The following PEX5L variants were observed in gnomAD, a reference collection of about 807,000 sequenced individuals.
PEX5L encodes PEX5-related protein.
In PEX5L, 30 loss-of-function variants were observed where a neutral mutation model predicts 84.0. That is an observed-to-expected ratio of 0.36 (90% CI 0.27 to 0.48). The LOEUF is 0.48. Ranked by LOEUF, PEX5L falls within the 20% of genes least tolerant of loss-of-function variation. The pLI is 0.99. For missense variants in PEX5L, 533 were observed against 754.6 expected (o/e 0.71, Z 3.44); for synonymous variants, 270 against 283.1 (o/e 0.95, Z 0.46).
chr3:179,859,035 G>A (rs779528631), intron 8 of PEX5L, 27 bp downstream of exon 8: 2 of 1,510,774 alleles, frequency 1.3e-6, no homozygotes, highest in Non-Finnish European at 1.8e-6. Flanking sequence ...GCATGAAACA[G>A]AAAAAACTAA....
intron 1 of PEX5L, among the ~76,000 whole-genome samples, chr3:179,984,289 T>C (rs949951455): frequency 2.6e-5 from 4 of 152,142 alleles, no homozygotes. Context: ...AATTTTCTTC[T>C]ATTAAGCTCT....
At chr3:180,017,806 A>G (rs556829037) in intron 1 of PEX5L, among the ~76,000 whole-genome samples, 3 of 152,316 alleles carry the variant, frequency 2.0e-5, no homozygotes, top group South Asian at 2.1e-4. Flanking sequence ...GAATGAATGA[A>G]TAAGTATTTA....
chr3:179,979,084 T>G (rs1480694489), intron 1 of PEX5L, among the ~76,000 whole-genome samples: 1 of 152,140 alleles, frequency 6.6e-6, no homozygotes, highest in African/African-American at 2.4e-5. Context: ...TACATTTGCT[T>G]TAAGGGACAG....
chr3:179,895,213 T>C (rs1758858436), intron 3 of PEX5L, among the ~76,000 whole-genome samples: 1 of 152,096 alleles, frequency 6.6e-6, no homozygotes, highest in South Asian at 2.1e-4. Flanking sequence ...CATATGATCA[T>C]TATAAAAATC....
intron 14 of PEX5L, among the ~76,000 whole-genome samples, chr3:179,802,393 G>C (rs968302422): frequency 4.0e-5 from 6 of 151,890 alleles, no homozygotes; most frequent in Non-Finnish European, 7.4e-5. Context: ...AAAATAGCCA[G>C]GTGTAGTGGC....
intron 1 of PEX5L, among the ~76,000 whole-genome samples, chr3:180,009,552 T>A (rs1789235994): frequency 6.6e-6 from 1 of 151,622 alleles, no homozygotes; most frequent in Non-Finnish European, 1.5e-5. Flanking sequence ...TCAGCATGAG[T>A]TACTGAAAAA....
Position 179,885,398 on chromosome 3 carries a change from G to A in PEX5L, c.310+2275C>T, listed in dbSNP as rs1157409640. On this transcript the variant is annotated intron_variant, in intron 4 of 14. Coordinates refer to ENST00000467460, the MANE Select transcript of PEX5L (RefSeq NM_016559.3). ...GCGGTGGTTCACGCCTGTAATTCCA[G>A]CACCTTGGGAGGCCAAAGTGGGCAG... 2.0e-5 allele frequency among the ~76,000 whole-genome samples: 3 copies of A among 152,228 alleles called. No homozygotes were observed. In the East Asian group the frequency reaches 5.8e-4, roughly 30 times the overall value.
intron 8 of PEX5L, among the ~76,000 whole-genome samples, chr3:179,838,082 T>A (rs1253299123): frequency 6.6e-6 from 1 of 152,230 alleles, no homozygotes; most frequent in Non-Finnish European, 1.5e-5. Context: ...AGATACAGAC[T>A]GTCAATAAAG....
intron 1 of PEX5L, among the ~76,000 whole-genome samples, chr3:180,005,743 T>C (rs1788831357): frequency 1.3e-5 from 2 of 151,804 alleles, no homozygotes; most frequent in South Asian, 4.1e-4. Flanking sequence ...AAAAAAAAAT[T>C]ATTTTTGTAG....
At chr3:179,874,276 A>T in intron 7 of PEX5L, 51 bp downstream of exon 7, 2 of 1,029,800 alleles carry the variant, frequency 1.9e-6, no homozygotes, top group Non-Finnish European at 3.0e-6. Flanking sequence ...CATTTATGCT[A>T]TACACTATAT....
chr3:179,847,085 A>G (rs2339910), intron 8 of PEX5L, among the ~76,000 whole-genome samples: 8 of 96,624 alleles, frequency 8.3e-5, no homozygotes, highest in African/African-American at 1.5e-4. Flanking sequence ...GTGTGTGTAT[A>G]TATATATATA....
chr3:179,799,871 T>C lies in PEX5L; in HGVS notation c.*1957A>G, dbSNP rs1340527921. On this transcript the variant is annotated 3_prime_UTR_variant, in exon 15 of 15. Transcript: ENST00000467460. ...TTGAGCTTTACTTTGCTGCTGAGAC[T>C]GTAGAGAAGCACGGTCTGAGACTGG... 1 of 152,034 alleles carries C rather than the reference T, an allele frequency of 6.6e-6. No homozygotes were observed. Among genetic ancestry groups the C allele is most frequent in the East Asian group, 1.9e-4 (1 of 5,198 alleles). 9.4% of individuals were successfully genotyped at this position (152,034 alleles called of 1,614,324 possible). A position where few individuals can be genotyped will look rare whatever the true frequency, so the allele number is the denominator to read the frequency against.
rs539361256 is a variant in PEX5L at position 179,885,384 on chromosome 3, C to T, written c.310+2289G>A. On this transcript the variant is annotated intron_variant, in intron 4 of 14. Coordinates refer to ENST00000467460, the MANE Select transcript of PEX5L (RefSeq NM_016559.3). ...AATTTGGGCCAGGCGCGGTGGTTCA[C>T]GCCTGTAATTCCAGCACCTTGGGAG... is the stretch of plus-strand genomic sequence containing the variant. Among the ~76,000 whole-genome samples the T allele has an allele frequency of 1.6e-4, 24 of 152,262 alleles. No individual in the cohort carries two copies. The South Asian group carries it at 3.9e-3, about 25-fold the overall frequency.
intron 2 of PEX5L, among the ~76,000 whole-genome samples, chr3:179,965,173 C>A (rs6775539): frequency 0.76 from 115,517 of 152,204 alleles, 44,127 homozygotes; most frequent in East Asian, 0.96. Context: ...GAAGGCATGC[C>A]GAATGTCTAA....
At chr3:179,803,886 C>T (rs556357307) in intron 14 of PEX5L, among the ~76,000 whole-genome samples, 6 of 152,244 alleles carry the variant, frequency 3.9e-5, no homozygotes, top group African/African-American at 1.4e-4. Flanking sequence ...TCTAATCACC[C>T]CCTCTTCTGG....
chr3:179,943,185 G>T (rs1218176577), intron 2 of PEX5L, among the ~76,000 whole-genome samples: 1 of 152,192 alleles, frequency 6.6e-6, no homozygotes, highest in African/African-American at 2.4e-5. Context: ...GATTGCTCTG[G>T]ATTTCAAGCA....
At chr3:179,885,024 A>AC (rs397874820) in intron 4 of PEX5L, among the ~76,000 whole-genome samples, 9 of 143,502 alleles carry the variant, frequency 6.3e-5, no homozygotes, top group Non-Finnish European at 7.7e-5. Context: ...CGAATTAAAA[A>AC]TATATAATAT....
At chr3:179,821,008 C>T (rs1363836573) in intron 8 of PEX5L, among the ~76,000 whole-genome samples, 1 of 152,184 alleles carries the variant, frequency 6.6e-6, no homozygotes, top group African/African-American at 2.4e-5. Flanking sequence ...CTCACTTGAA[C>T]CCCTGTTCTC....
chr3:179,801,712 G>C lies in PEX5L; in HGVS notation c.*116C>G. ...AGGAATTAATTTCCTTGGGCTATAT[G>C]ACCATGGCCTTTTGAATATTTGATT... On this transcript the variant is annotated 3_prime_UTR_variant, in exon 15 of 15. Transcript: ENST00000467460. 1.3e-6 allele frequency: 1 copy of C among 770,064 alleles called. No homozygotes were observed. Among genetic ancestry groups the C allele is most frequent in the Non-Finnish European group, 2.2e-6 (1 of 448,226 alleles). The allele number at this position is 770,064 out of a possible 1,614,324, so 47.7% of individuals were successfully genotyped here. A position where few individuals can be genotyped will look rare whatever the true frequency, so the allele number is the denominator to read the frequency against.
Sources: gnomAD v4.1 joint callset for allele counts (sites outside exome capture counted in the v4.1 genomes callset) on GRCh38, gnomAD v4.1.1 for gene constraint, MANE v1.5 for transcripts, NCBI Gene and HGNC (gene_info 2026-07-23, HGNC 2026-07-21) for gene names.